Variants in ENTREP1 observed in about 807,000 individuals in gnomAD.
The protein encoded by ENTREP1 is endosomal transmembrane epsin interactor 1.
chr9:69,324,613 C>T, the ENTREP1 span: 1 of 985,454 alleles, frequency 1.0e-6, no homozygotes, highest in Non-Finnish European at 1.2e-6. Context: ...CGGGAAAGCA[C>T]TCCCGCGCCG....
the ENTREP1 span, among the ~76,000 whole-genome samples, chr9:69,372,217 A>G: frequency 6.6e-6 from 1 of 152,218 alleles, no homozygotes; most frequent in African/African-American, 2.4e-5. Flanking sequence ...CATGAAATTT[A>G]CCATCTTAAC....
At chr9:69,328,717 A>G in the ENTREP1 span, among the ~76,000 whole-genome samples, 1 of 152,198 alleles carries the variant, frequency 6.6e-6, no homozygotes, top group Non-Finnish European at 1.5e-5. Flanking sequence ...AAAAGAACAC[A>G]GCTTTGACAT....
the ENTREP1 span, chr9:69,386,089 A>G: frequency 9.1e-4 from 552 of 607,556 alleles, no homozygotes; most frequent in Non-Finnish European, 9.9e-4. Context: ...TTGGGAAAGT[A>G]AAATATTCTA....
the ENTREP1 span, among the ~76,000 whole-genome samples, chr9:69,354,610 T>G: frequency 6.6e-6 from 1 of 152,212 alleles, no homozygotes; most frequent in South Asian, 2.1e-4. Flanking sequence ...CTGAGTTACA[T>G]TGCATCCCCA....
At chr9:69,334,815 C>T in the ENTREP1 span, among the ~76,000 whole-genome samples, 11 of 138,538 alleles carry the variant, frequency 7.9e-5, no homozygotes, top group Admixed American at 7.8e-4. Context: ...CTCATTCTAT[C>T]GCCCAGGCTG....
chr9:69,334,507 T>C, the ENTREP1 span, among the ~76,000 whole-genome samples: 29 of 152,336 alleles, frequency 1.9e-4, no homozygotes, highest in Admixed American at 1.3e-3. Context: ...TACTGATCTG[T>C]AGTTGATAAA....
At chr9:69,359,446 T>G in the ENTREP1 span, among the ~76,000 whole-genome samples, 1 of 152,184 alleles carries the variant, frequency 6.6e-6, no homozygotes, top group African/African-American at 2.4e-5. Context: ...CATGGTGGCA[T>G]TTTTCCTCAT....
At chr9:69,367,752 AATAT>A in the ENTREP1 span, among the ~76,000 whole-genome samples, 2 of 121,850 alleles carry the variant, frequency 1.6e-5, no homozygotes, top group African/African-American at 2.9e-5. Flanking sequence ...CACATATATA[AATAT>A]ATATATACAC....
chr9:69,371,284 G>A, the ENTREP1 span: 1 of 592,982 alleles, frequency 1.7e-6, no homozygotes, highest in Admixed American at 2.8e-5. Context: ...AAGGACTTGA[G>A]GTTATTGAGA....
the ENTREP1 span, among the ~76,000 whole-genome samples, chr9:69,354,417 C>T: frequency 5.9e-5 from 9 of 151,902 alleles, no homozygotes; most frequent in Admixed American, 2.0e-4. Flanking sequence ...ACCACCAGGC[C>T]CAGCTAATTT....
At chr9:69,387,625 T>C in the ENTREP1 span, 5 of 252,370 alleles carry the variant, frequency 2.0e-5, no homozygotes, top group African/African-American at 4.5e-5. Flanking sequence ...CTCATATCCA[T>C]GGTGTGAGCA....
the ENTREP1 span, chr9:69,325,285 C>T: frequency 8.9e-7 from 1 of 1,129,478 alleles, no homozygotes; most frequent in East Asian, 4.1e-5. Flanking sequence ...CGGCCGCACC[C>T]GGCCGCACCC....
the ENTREP1 span, among the ~76,000 whole-genome samples, chr9:69,360,130 C>T: frequency 2.2e-4 from 33 of 152,082 alleles, no homozygotes; most frequent in Non-Finnish European, 4.1e-4. Flanking sequence ...TATCTCACTC[C>T]GAGTTCATGT....
the ENTREP1 span, chr9:69,383,267 A>C: frequency 1.5e-6 from 1 of 671,070 alleles, no homozygotes; most frequent in East Asian, 1.1e-4. Context: ...CTAGTTCCAA[A>C]GCATTTTCAG....
chr9:69,377,826 G>T, the ENTREP1 span: 2 of 1,421,582 alleles, frequency 1.4e-6, no homozygotes, highest in Non-Finnish European at 1.9e-6. Context: ...CTCACCACAT[G>T]AGATCTCACT....
the ENTREP1 span, among the ~76,000 whole-genome samples, chr9:69,352,893 T>C: frequency 3.2e-4 from 49 of 152,298 alleles, no homozygotes; most frequent in Non-Finnish European, 4.7e-4. Flanking sequence ...CCTAGTACTT[T>C]GTAAGGCCAA....
At chr9:69,372,890 A>G in the ENTREP1 span, among the ~76,000 whole-genome samples, 5 of 151,494 alleles carry the variant, frequency 3.3e-5, no homozygotes, top group African/African-American at 4.9e-5. Context: ...GTATAAGGTG[A>G]TACCTCATTT....
chr9:69,348,865 A>G, the ENTREP1 span, among the ~76,000 whole-genome samples: 1 of 152,038 alleles, frequency 6.6e-6, no homozygotes, highest in African/African-American at 2.4e-5. Flanking sequence ...TCATCAGTTG[A>G]TGGACATTTC....
At chr9:69,370,204 A>G in the ENTREP1 span, among the ~76,000 whole-genome samples, 1 of 152,174 alleles carries the variant, frequency 6.6e-6, no homozygotes, top group East Asian at 1.9e-4. Flanking sequence ...GAAAATTTCC[A>G]AGGGAAAACT....
Sources: gnomAD v4.1 joint callset for allele counts (sites outside exome capture counted in the v4.1 genomes callset) on GRCh38, gnomAD v4.1.1 for gene constraint, MANE v1.5 for transcripts, NCBI Gene and HGNC (gene_info 2026-07-23, HGNC 2026-07-21) for gene names.